Variants in SLC25A21 observed in about 807,000 individuals in gnomAD.
The protein encoded by SLC25A21 is mitochondrial 2-oxodicarboxylate carrier.
In SLC25A21, 47 loss-of-function variants were observed where a neutral mutation model predicts 43.8. The ratio of observed to expected loss-of-function variants is 1.07; its 90% confidence interval spans 0.85 to 1.37. SLC25A21 has a LOEUF of 1.37. Ranked by LOEUF, SLC25A21 falls within the 40% of genes most tolerant of loss-of-function variation. The pLI, the probability that SLC25A21 is intolerant of heterozygous loss-of-function variation, is 0.00. For synonymous variants in SLC25A21, 131 were observed against 121.3 expected (o/e 1.08, Z -0.52); for missense variants, 352 against 350.2 (o/e 1.00, Z -0.04).
intron 1 of SLC25A21, among the ~76,000 whole-genome samples, chr14:37,093,352 C>T (rs1427023213): frequency 6.6e-6 from 1 of 152,178 alleles, no homozygotes; most frequent in African/African-American, 2.4e-5. Flanking sequence ...TCCTTAACTC[C>T]AGTTTCTCTG....
chr14:37,109,682 A>T (rs1962983268), intron 1 of SLC25A21, among the ~76,000 whole-genome samples: 2 of 152,152 alleles, frequency 1.3e-5, no homozygotes, highest in African/African-American at 4.8e-5. Context: ...CCCATGCACA[A>T]TCTAGTCGCC....
chr14:36,868,806 A>C (rs1890285316), intron 2 of SLC25A21, among the ~76,000 whole-genome samples: 3 of 152,202 alleles, frequency 2.0e-5, no homozygotes, highest in Admixed American at 2.0e-4. Context: ...CTGGTTTCCC[A>C]GACTTCCCTG....
At chr14:36,783,436 C>A (rs375731888) in intron 3 of SLC25A21, among the ~76,000 whole-genome samples, 1 of 152,080 alleles carries the variant, frequency 6.6e-6, no homozygotes, top group Non-Finnish European at 1.5e-5. Context: ...TGAGTTTCCA[C>A]CTGTCTTCCT....
At chr14:36,789,067 T>C (rs1594588800) in intron 3 of SLC25A21, among the ~76,000 whole-genome samples, 1 of 152,366 alleles carries the variant, frequency 6.6e-6, no homozygotes, top group South Asian at 2.1e-4. Flanking sequence ...ATTTCAATTA[T>C]GCATTAACAT....
chr14:36,789,410 G>T (rs961368011), intron 3 of SLC25A21, among the ~76,000 whole-genome samples: 2 of 151,788 alleles, frequency 1.3e-5, no homozygotes, highest in African/African-American at 2.4e-5. Context: ...TTCTTTCTAA[G>T]AAAACCATTG....
At chr14:36,852,263 A>T (rs1054229355) in intron 2 of SLC25A21, among the ~76,000 whole-genome samples, 2 of 152,194 alleles carry the variant, frequency 1.3e-5, no homozygotes, top group African/African-American at 4.8e-5. Context: ...TGTTTCCACC[A>T]GCCAGCAAAA....
chr14:36,711,465 A>G lies in SLC25A21; in HGVS notation c.456T>C (p.Gly152=). The part of the protein sequence containing the change: ...NTFAEQPSTV[G]YARQIIKKEG... ...CCTTCTTAATGATTTGTCTTGCATA[A>G]CCCACAGTGGATGGTTGCTGCAGAA... The change falls in exon 7 of 10, where the codon GGT becomes GGC. Residue 152 remains glycine, a synonymous_variant. Transcript: ENST00000331299. 6.2e-7 allele frequency: 1 copy of G among 1,613,870 alleles called. No individual in the cohort carries two copies. Among genetic ancestry groups the G allele is most frequent in the Non-Finnish European group, 8.5e-7 (1 of 1,179,916 alleles).
chr14:37,108,417 A>G (rs1457141143), intron 1 of SLC25A21, among the ~76,000 whole-genome samples: 1 of 152,198 alleles, frequency 6.6e-6, no homozygotes, highest in Admixed American at 6.5e-5. Context: ...CTATTACAAG[A>G]AACTTGAAAA....
At chr14:36,917,061 G>A (rs1198545773) in intron 1 of SLC25A21, among the ~76,000 whole-genome samples, 2 of 152,104 alleles carry the variant, frequency 1.3e-5, no homozygotes, top group Non-Finnish European at 2.9e-5. Flanking sequence ...ATTGTCAAAT[G>A]TCATGCTTTC....
intron 1 of SLC25A21, among the ~76,000 whole-genome samples, chr14:37,043,573 C>G (rs146331453): frequency 6.6e-6 from 1 of 152,170 alleles, no homozygotes; most frequent in African/African-American, 2.4e-5. Flanking sequence ...TTTTATGGCT[C>G]TTTTTGGGCT....
At chr14:37,154,794 C>T (rs1036413274) in intron 1 of SLC25A21, among the ~76,000 whole-genome samples, 3 of 151,610 alleles carry the variant, frequency 2.0e-5, no homozygotes, top group African/African-American at 7.3e-5. Context: ...AGGCATGCAC[C>T]ACCACACCCA....
intron 1 of SLC25A21, among the ~76,000 whole-genome samples, chr14:37,062,974 T>C (rs1010410718): frequency 6.6e-6 from 1 of 152,152 alleles, no homozygotes; most frequent in Non-Finnish European, 1.5e-5. Flanking sequence ...CCATTCCACA[T>C]GGCTGGGGAG....
intron 1 of SLC25A21, among the ~76,000 whole-genome samples, chr14:37,134,923 T>C (rs2138911218): frequency 6.9e-6 from 1 of 145,288 alleles, no homozygotes; most frequent in East Asian, 2.0e-4. Context: ...CAAAATCTCA[T>C]CTCTACTTTT....
intron 4 of SLC25A21, among the ~76,000 whole-genome samples, chr14:36,732,339 T>C (rs1433211679): frequency 6.6e-6 from 1 of 152,054 alleles, no homozygotes; most frequent in Non-Finnish European, 1.5e-5. Flanking sequence ...CTTGAGAAAC[T>C]GCACATGGGA....
intron 1 of SLC25A21, among the ~76,000 whole-genome samples, chr14:36,951,593 A>AT (rs35759608): frequency 1.7e-3 from 253 of 149,788 alleles, no homozygotes; most frequent in Admixed American, 4.5e-3. Flanking sequence ...CAAGGTATGC[A>AT]TTTTTTTTTT....
At chr14:37,167,207 G>C (rs1198494444) in intron 1 of SLC25A21, among the ~76,000 whole-genome samples, 2 of 152,192 alleles carry the variant, frequency 1.3e-5, no homozygotes, top group African/African-American at 4.8e-5. Context: ...CTGGTCAGCA[G>C]TGAAAACCAA....
intron 1 of SLC25A21, among the ~76,000 whole-genome samples, chr14:37,027,906 C>T (rs138562842): frequency 2.0e-3 from 309 of 152,178 alleles, no homozygotes; most frequent in African/African-American, 6.8e-3. Context: ...ACTCTAGAAA[C>T]GTAATCTTCT....
At chr14:37,022,995 G>C (rs1961019755) in intron 1 of SLC25A21, among the ~76,000 whole-genome samples, 1 of 151,980 alleles carries the variant, frequency 6.6e-6, no homozygotes, top group Admixed American at 6.6e-5. Context: ...GTCCATTTCA[G>C]GTAATTTCGT....
At chr14:36,917,567 A>G (rs969505048) in intron 1 of SLC25A21, among the ~76,000 whole-genome samples, 1 of 152,142 alleles carries the variant, frequency 6.6e-6, no homozygotes, top group African/African-American at 2.4e-5. Context: ...TGCATGGTGC[A>G]TAGGAGGCAA....
Sources: allele counts gnomAD v4.1 joint callset (sites outside exome capture counted in the v4.1 genomes callset), GRCh38; gene constraint gnomAD v4.1.1; transcripts MANE v1.5; gene names NCBI Gene and HGNC (gene_info 2026-07-23, HGNC 2026-07-21).